Variants in MORC2 observed in about 807,000 individuals in gnomAD.
The protein encoded by MORC2 is MORC family CW-type zinc finger 2.
In MORC2, 30 loss-of-function variants were observed where a neutral mutation model predicts 136.0. The ratio of observed to expected loss-of-function variants is 0.22; its 90% CI spans 0.17 to 0.30. The LOEUF (loss-of-function observed/expected upper bound fraction) is 0.30. Among genes scored for constraint, MORC2 ranks in the 10% least tolerant of loss-of-function variants. The pLI, the probability that MORC2 is intolerant of heterozygous loss-of-function variation, is 1.00. For missense variants in MORC2, 922 were observed against 1,333.1 expected (o/e 0.69, Z 4.80); for synonymous variants, 439 against 487.0 (o/e 0.90, Z 1.30).
At chr22:30,930,481 C>T (rs539504877) in intron 24 of MORC2, among the ~76,000 whole-genome samples, 5 of 152,190 alleles carry the variant, frequency 3.3e-5, no homozygotes, top group Non-Finnish European at 4.4e-5. Flanking sequence ...AAGGCAGCAT[C>T]GTGAGCAGAG....
At chr22:30,943,760 A>C (rs1391871706) in intron 6 of MORC2, among the ~76,000 whole-genome samples, 1 of 152,042 alleles carries the variant, frequency 6.6e-6, no homozygotes, top group Non-Finnish European at 1.5e-5. Context: ...TTTGAGACGG[A>C]GTCTTGCTCT....
intron 5 of MORC2, among the ~76,000 whole-genome samples, chr22:30,947,496 C>T (rs1024490793): frequency 2.6e-5 from 4 of 152,112 alleles, no homozygotes; most frequent in Non-Finnish European, 4.4e-5. Context: ...AGGTGGAAAG[C>T]CTCATTACTC....
intron 12 of MORC2, among the ~76,000 whole-genome samples, chr22:30,939,245 G>C (rs2040704248): frequency 6.6e-6 from 1 of 152,122 alleles, no homozygotes; most frequent in South Asian, 2.1e-4. Context: ...ATAAAAAATA[G>C]GGTCGTATCA....
chr22:30,946,535 G>T, intron 5 of MORC2, 86 bp from the exon 6 acceptor site: 1 of 1,218,704 alleles, frequency 8.2e-7, no homozygotes, highest in Non-Finnish European at 1.2e-6. Flanking sequence ...GGACATGATT[G>T]AAAGTGCCAC....
At chr22:30,929,383 T>A (rs965076106) in intron 24 of MORC2, among the ~76,000 whole-genome samples, 1 of 152,220 alleles carries the variant, frequency 6.6e-6, no homozygotes, top group African/African-American at 2.4e-5. Flanking sequence ...CTGATCCATA[T>A]GGTATAAAGG....
At chr22:30,940,145 GA>G in intron 10 of MORC2, 104 bp from the exon 11 acceptor site, 3 of 1,133,424 alleles carry the variant, frequency 2.6e-6, no homozygotes, top group African/African-American at 1.5e-5. Flanking sequence ...CACCACCAAG[GA>G]AAAAAAGAGT....
chr22:30,946,280 A>G, intron 6 of MORC2, 61 bp downstream of exon 6: 2 of 1,393,746 alleles, frequency 1.4e-6, no homozygotes, highest in Non-Finnish European at 2.0e-6. Flanking sequence ...ACCTACGAAA[A>G]CCGCCTGGGC....
intron 24 of MORC2, among the ~76,000 whole-genome samples, chr22:30,930,833 T>G (rs1296842723): frequency 6.6e-6 from 1 of 152,006 alleles, no homozygotes; most frequent in Non-Finnish European, 1.5e-5. Context: ...GGCCTCCCCC[T>G]CCCTCCAAGT....
rs1048445584 is a variant in MORC2 at position 30,941,378 on chromosome 22, G to A, written c.824+55C>T. ...CCCTCTAACAATGCCCCAGAGAAAC[G>A]CGGCCACATCCTCGACCCATGGGAG... On this transcript the variant is annotated intron_variant, in intron 9 of 25. Coordinates refer to ENST00000397641, the MANE Select transcript of MORC2 (RefSeq NM_001303256.3). This position sits in a 1 kb window ranked among gnomAD's most constrained non-coding sequence, Gnocchi z 4.6. 2.4e-5 allele frequency: 39 copies of A among 1,594,614 alleles called. No homozygotes were observed. Among genetic ancestry groups the A allele is most frequent in the South Asian group, 4.4e-5 (4 of 90,190 alleles).
intron 1 of MORC2, among the ~76,000 whole-genome samples, chr22:30,963,574 T>C (rs984664403): frequency 6.6e-6 from 1 of 151,928 alleles, no homozygotes; most frequent in African/African-American, 2.4e-5. Context: ...TTAATAGCGA[T>C]GGGGTTTCAC....
chr22:30,932,353 A>G lies in MORC2; in HGVS notation c.2841+6T>C. 6.2e-7 allele frequency: 1 copy of G among 1,608,770 alleles called. No homozygotes were observed. The highest frequency in any genetic ancestry group is 8.5e-7 in the Non-Finnish European group (1 of 1,175,608). On this transcript the variant is annotated splice_donor_region_variant and intron_variant, in intron 24 of 25. Coordinates refer to ENST00000397641, the MANE Select transcript of MORC2 (RefSeq NM_001303256.3). This position sits in a 1 kb window ranked among gnomAD's most constrained non-coding sequence, Gnocchi z 4.4. ...AGTGTGGAATCGAAGGTCAGGCCAG[A>G]CTCACCAGAGGAAAAGATATTAGCT...
chr22:30,962,249 G>A (rs2041058320), intron 1 of MORC2, among the ~76,000 whole-genome samples: 1 of 151,362 alleles, frequency 6.6e-6, no homozygotes, highest in South Asian at 2.1e-4. Context: ...AATGTGCCTT[G>A]CATATTTAGA....
In MORC2 at chr22:30,928,003, A is replaced by G. The variant is rs2040515880; in HGVS notation, c.3030+16T>C. ...ACCAGGTGGTCCAGCTGCAACAGGA[A>G]GGCTGCCGGGCTCACCTCCTGCACC... On this transcript the variant is annotated intron_variant, in intron 25 of 25. Coordinates refer to ENST00000397641, the MANE Select transcript of MORC2 (RefSeq NM_001303256.3). 5 of 1,612,218 alleles carry G rather than the reference A, an allele frequency of 3.1e-6. No homozygotes were observed. Among genetic ancestry groups the G allele is most frequent in the Non-Finnish European group, 4.2e-6 (5 of 1,179,854 alleles).
rs1602470006 is a variant in MORC2 at position 30,926,715 on chromosome 22, GACC to G, written c.*85_*87del. The stretch of plus-strand genomic sequence containing the variant: ...TCCCGTGTAAGTCAAACCAAGGTGC[GACC>G]ACCAACCCATGAATGAAGTCCCCTC... On this transcript the variant is annotated 3_prime_UTR_variant, in exon 26 of 26. Transcript: ENST00000397641. 4 of 1,062,646 alleles carry G rather than the reference GACC, an allele frequency of 3.8e-6. No individual in the cohort carries two copies. The East Asian group carries it at 1.0e-4, about 26-fold the overall frequency. 65.8% of individuals were successfully genotyped at this position (1,062,646 alleles called of 1,614,324 possible). A position where few individuals can be genotyped will look rare whatever the true frequency, so the allele number is the denominator to read the frequency against.
At position 30,928,122 on chromosome 22, in the gene MORC2, G is replaced by A; in HGVS notation, c.2927C>T (p.Ser976Phe). ...CTCGGAGGTGCGCAGGCTTTCCTCGGAGGCCTTGGCCCGGGAGTCAGCACG... is the reference window on the plus strand; with the variant it reads ...CTCGGAGGTGCGCAGGCTTTCCTCGAAGGCCTTGGCCCGGGAGTCAGCACG... ...QSRADSRAKA[S>F]EESLRTSERK... Residue 976 changes from serine (S) to phenylalanine (F), a missense_variant, in exon 25 of 26, where the codon TCC becomes TTC. Coordinates refer to ENST00000397641, the MANE Select transcript of MORC2 (RefSeq NM_001303256.3). The A allele has an allele frequency of 1.2e-6, 2 of 1,614,094 alleles. No individual in the cohort carries two copies. The highest frequency in any genetic ancestry group is 1.7e-6 in the Non-Finnish European group (2 of 1,180,016).
chr22:30,927,208 T>TG (rs776874926), intron 25 of MORC2, among the ~76,000 whole-genome samples: 58 of 152,186 alleles, frequency 3.8e-4, no homozygotes, highest in Admixed American at 2.6e-3. Context: ...CAGACAACTG[T>TG]GGGAGCCTCC....
At chr22:30,955,807 G>C (rs1490525386) in intron 3 of MORC2, among the ~76,000 whole-genome samples, 1 of 152,010 alleles carries the variant, frequency 6.6e-6, no homozygotes, top group South Asian at 2.1e-4. Context: ...TCATGAGTTT[G>C]AGACCAGCCT....
At chr22:30,965,858 A>C (rs563275033) in intron 1 of MORC2, among the ~76,000 whole-genome samples, 4 of 152,366 alleles carry the variant, frequency 2.6e-5, no homozygotes, top group African/African-American at 7.2e-5. Context: ...TGCTTTATAG[A>C]CAAGCAAATA....
rs751495570 is a variant in MORC2, at chr22:30,933,500, T to C, written c.2346A>G (p.Glu782=). The change falls in exon 21 of 26, where the codon GAA becomes GAG. Residue 782 remains glutamate (E), a synonymous_variant. Coordinates refer to ENST00000397641, the MANE Select transcript of MORC2 (RefSeq NM_001303256.3). ...CTCTCTTGAGGTCAGCCGAGTCCTC[T>C]TCCCCAGCACTGTCTGAGAGCTGCG... ...DSNELSDSAG[E]EDSADLKRAQ... 3 of 1,613,758 alleles carry C rather than the reference T, an allele frequency of 1.9e-6. No homozygotes were observed. The highest frequency in any genetic ancestry group is 2.2e-5 in the South Asian group (2 of 91,058).
Sources: allele counts gnomAD v4.1 joint callset (sites outside exome capture counted in the v4.1 genomes callset), GRCh38; gene constraint gnomAD v4.1.1; non-coding constraint Gnocchi (gnomAD v3.1); transcripts MANE v1.5; gene names NCBI Gene and HGNC (gene_info 2026-07-23, HGNC 2026-07-21).